Variants in MPP7 observed in about 807,000 individuals in gnomAD.
The protein encoded by MPP7 is MAGUK p55 subfamily member 7.
Under a neutral mutation model 76.5 loss-of-function variants are expected in MPP7, and 60 were observed. The observed-to-expected ratio is 0.78, with a 90% CI of 0.64 to 0.97. The LOEUF (loss-of-function observed/expected upper bound fraction) is 0.97. Among genes scored for constraint, MPP7 ranks in the 50% least tolerant of loss-of-function variants. MPP7 has a pLI of 0.00. For synonymous variants in MPP7, 237 were observed against 244.5 expected, an observed-to-expected ratio of 0.97 and a Z score of 0.29; for missense variants, 641 against 694.0, an observed-to-expected ratio of 0.92 and a Z score of 0.86.
At chr10:28,280,582 G>T (rs939416056) in intron 1 of MPP7, among the ~76,000 whole-genome samples, 1 of 152,000 alleles carries the variant, frequency 6.6e-6, no homozygotes, top group Non-Finnish European at 1.5e-5. Context: ...CAAATTTCAG[G>T]AACAGAATTC....
chr10:28,325,212 A>G (rs1834400104), intron 2 of MPP7, among the ~76,000 whole-genome samples: 1 of 152,176 alleles, frequency 6.6e-6, no homozygotes, highest in African/African-American at 2.4e-5. Flanking sequence ...CTTAACCACT[A>G]TACAGTATGT....
chr10:28,112,385 G>C (rs1834532776), intron 11 of MPP7, among the ~76,000 whole-genome samples: 2 of 151,922 alleles, frequency 1.3e-5, no homozygotes, highest in Non-Finnish European at 2.9e-5. Flanking sequence ...GAAATCAAAT[G>C]ATAAAAGCCA....
intron 6 of MPP7, among the ~76,000 whole-genome samples, chr10:28,131,132 A>C (rs927529854): frequency 6.6e-6 from 1 of 152,212 alleles, no homozygotes. Flanking sequence ...TTAACAAAGA[A>C]ATTAGATGTT....
intron 12 of MPP7, among the ~76,000 whole-genome samples, chr10:28,082,208 A>G (rs1242116134): frequency 6.6e-6 from 1 of 152,190 alleles, no homozygotes; most frequent in Non-Finnish European, 1.5e-5. Flanking sequence ...AATAACCCAG[A>G]ATTTCCAAAA....
chr10:28,197,761 A>G (rs1325982443), intron 3 of MPP7, among the ~76,000 whole-genome samples: 2 of 152,190 alleles, frequency 1.3e-5, no homozygotes, highest in African/African-American at 4.8e-5. Context: ...GTACCCAACA[A>G]ATAGTATCAA....
intron 2 of MPP7, 102 bp from the exon 3 acceptor site, chr10:28,202,373 G>T: frequency 1.4e-6 from 1 of 736,738 alleles, no homozygotes. Flanking sequence ...AATTTTACTG[G>T]ATTTGTATTC....
At chr10:28,293,905 T>C (rs1840980134) in intron 1 of MPP7, among the ~76,000 whole-genome samples, 1 of 152,166 alleles carries the variant, frequency 6.6e-6, no homozygotes, top group African/African-American at 2.4e-5. Flanking sequence ...CAGAAAGTGA[T>C]GGAAAGAGGG....
At chr10:28,171,933 T>C (rs1371518126) in intron 3 of MPP7, among the ~76,000 whole-genome samples, 1 of 152,164 alleles carries the variant, frequency 6.6e-6, no homozygotes, top group African/African-American at 2.4e-5. Context: ...CGAGCTTCTT[T>C]CCATCTAAGC....
chr10:28,182,153 G>A lies in MPP7; in HGVS notation c.156+20000C>T, dbSNP rs1481379540. On this transcript the variant is annotated intron_variant, in intron 3 of 16. Transcript: ENST00000683449. Reference sequence around the variant, plus strand: ...TCAGAATGTACAAAATAATTCCTACGAATCAACTAGAAAAAGACAAATAAC... The same window carrying A: ...TCAGAATGTACAAAATAATTCCTACAAATCAACTAGAAAAAGACAAATAAC... 4.7e-5 allele frequency among the ~76,000 whole-genome samples: 7 copies of A among 148,228 alleles called. No homozygotes were observed. In the East Asian group the frequency reaches 5.9e-4, roughly 12 times the overall value.
At chr10:28,081,427 A>G (rs193187787) in intron 12 of MPP7, among the ~76,000 whole-genome samples, 1 of 152,374 alleles carries the variant, frequency 6.6e-6, no homozygotes, top group East Asian at 1.9e-4. Flanking sequence ...CATACTTTCT[A>G]GAAAATGCTT....
chr10:28,276,282 C>T (rs894993788), intron 1 of MPP7, among the ~76,000 whole-genome samples: 2 of 152,046 alleles, frequency 1.3e-5, no homozygotes, highest in African/African-American at 2.4e-5. Context: ...CCACCCGCCT[C>T]GGCCTCCCAG....
chr10:28,274,101 C>CTTTTTT (rs60127503), intron 1 of MPP7, among the ~76,000 whole-genome samples: 6 of 123,658 alleles, frequency 4.9e-5, no homozygotes, highest in African/African-American at 6.3e-5. Context: ...AAATTTTTTT[C>CTTTTTT]TTTTTTTTTT....
chr10:28,206,766 G>A (rs1176029238), intron 2 of MPP7, among the ~76,000 whole-genome samples: 1 of 151,990 alleles, frequency 6.6e-6, no homozygotes, highest in Non-Finnish European at 1.5e-5. Context: ...AAAACTGATC[G>A]GTTTTTCATT....
chr10:28,218,956 T>A (rs1041491643), intron 2 of MPP7, among the ~76,000 whole-genome samples: 1 of 152,132 alleles, frequency 6.6e-6, no homozygotes, highest in African/African-American at 2.4e-5. Context: ...CAGCACTTTT[T>A]CAAGAAATAC....
Position 28,219,525 on chromosome 10 carries a change from T to A in MPP7, c.38-17254A>T, listed in dbSNP as rs570809729. On this transcript the variant is annotated intron_variant, in intron 2 of 16. Transcript: ENST00000683449. ...CTCATAGCTTCATTATTAGTACAAGTCTGGGGAAGCCATAAACCTATGTTA... is the reference window on the plus strand; with the variant it reads ...CTCATAGCTTCATTATTAGTACAAGACTGGGGAAGCCATAAACCTATGTTA... Among the ~76,000 whole-genome samples, 5 of 152,260 alleles carry A rather than the reference T, an allele frequency of 3.3e-5. No homozygotes were observed. The South Asian group carries it at 1.0e-3, about 32-fold the overall frequency.
chr10:28,167,314 A>AAAAACAAACAAAC (rs1205241324), intron 3 of MPP7, among the ~76,000 whole-genome samples: 9 of 137,972 alleles, frequency 6.5e-5, no homozygotes, highest in Admixed American at 3.7e-4. Flanking sequence ...CTGCCTCAAA[A>AAAAACAAACAAAC]AAACAAACAA....
chr10:28,309,477 C>A (rs1841277064), intron 2 of MPP7, among the ~76,000 whole-genome samples: 2 of 151,872 alleles, frequency 1.3e-5, no homozygotes, highest in Non-Finnish European at 2.9e-5. Flanking sequence ...ACACTGTTTC[C>A]TTCCAATTCC....
At chr10:28,258,969 T>C (rs1315499732) in intron 1 of MPP7, among the ~76,000 whole-genome samples, 1 of 152,180 alleles carries the variant, frequency 6.6e-6, no homozygotes, top group Admixed American at 6.5e-5. Flanking sequence ...AGAGCCTTTG[T>C]GTAACATGTC....
chr10:28,109,863 A>AAAAAAAC (rs1834445060), intron 11 of MPP7, among the ~76,000 whole-genome samples: 3 of 149,480 alleles, frequency 2.0e-5, no homozygotes, highest in Non-Finnish European at 4.4e-5. Context: ...AAAAAAAAAA[A>AAAAAAAC]AAAAAAAAAA....
Sources: gnomAD v4.1 joint callset for allele counts (sites outside exome capture counted in the v4.1 genomes callset) on GRCh38, gnomAD v4.1.1 for gene constraint, MANE v1.5 for transcripts, NCBI Gene and HGNC (gene_info 2026-07-23, HGNC 2026-07-21) for gene names.